CWF19L2: variants seen among roughly 807,000 people sequenced by gnomAD.
CWF19L2 encodes the protein CWF19-like protein 2.
Under a neutral mutation model 111.7 loss-of-function variants are expected in CWF19L2, and 98 were observed. The observed-to-expected ratio is 0.88, with a 90% CI of 0.75 to 1.04. The LOEUF is 1.04. CWF19L2 is among the 50% of genes least tolerant of loss of function. The pLI is 0.00. For missense variants in CWF19L2, 1,101 were observed against 1,051.4 expected, an observed-to-expected ratio of 1.05 and a Z score of -0.65; for synonymous variants, 351 against 342.9, an observed-to-expected ratio of 1.02 and a Z score of -0.26.
intron 8 of CWF19L2, among the ~76,000 whole-genome samples, chr11:107,423,690 A>G (rs1861333979): frequency 6.6e-6 from 1 of 151,996 alleles, no homozygotes; most frequent in African/African-American, 2.4e-5. Context: ...TTATTCCAAT[A>G]GATGCTTACT....
rs779343107 is a variant in CWF19L2 at position 107,429,123 on chromosome 11, C to A, written c.1109G>T (p.Arg370Ile). The A allele has an allele frequency of 1.9e-6, 3 of 1,613,672 alleles. No homozygotes were observed. Among genetic ancestry groups the A allele is most frequent in the Non-Finnish European group, 2.5e-6 (3 of 1,179,812 alleles). The change falls in exon 8 of 18, where the codon AGA (arginine) becomes ATA (isoleucine). Residue 370 changes from arginine to isoleucine, a missense_variant. Transcript: ENST00000282251. ...TGACAGTTCTTCATCATCAGAGGGT[C>A]TCAAGAATTTAGCTCTCAAATTGCC... ...SFGNLRAKFL[R>I]PSDDEELSFH...
chr11:107,334,996 C>T, intron 15 of CWF19L2, 35 bp from the exon 16 acceptor site: 1 of 1,314,190 alleles, frequency 7.6e-7, no homozygotes. Context: ...GAAAAAAGAA[C>T]ATGTAAGTAA....
At chr11:107,456,449 A>AAT (rs1162583815) in intron 1 of CWF19L2, among the ~76,000 whole-genome samples, 2 of 152,054 alleles carry the variant, frequency 1.3e-5, no homozygotes, top group Non-Finnish European at 2.9e-5. Flanking sequence ...AAGAATGAAT[A>AAT]ATATATATAT....
intron 11 of CWF19L2, among the ~76,000 whole-genome samples, chr11:107,390,796 C>A (rs567833213): frequency 9.0e-4 from 137 of 152,186 alleles, no homozygotes; most frequent in African/African-American, 3.2e-3. Flanking sequence ...CTGAAGGATG[C>A]AAAGTATTCT....
At position 107,422,658 on chromosome 11, in the gene CWF19L2, A is replaced by T. The variant is rs1320520230; in HGVS notation, c.1434-4371T>A. 3.9e-5 allele frequency among the ~76,000 whole-genome samples: 6 copies of T among 152,196 alleles called. No individual in the cohort carries two copies. The East Asian group carries it at 9.6e-4, about 24-fold the overall frequency. Reference sequence around the variant, plus strand: ...ACTAATTTGTCATAATCTTAAATATAAAGGATATATCTGGTATTATTAGTT... The same window carrying T: ...ACTAATTTGTCATAATCTTAAATATTAAGGATATATCTGGTATTATTAGTT... On this transcript the variant is annotated intron_variant, in intron 8 of 17. Transcript: ENST00000282251.
At position 107,372,058 on chromosome 11, in the gene CWF19L2, T is replaced by C. The variant is rs537189954; in HGVS notation, c.1872+18016A>G. Among the ~76,000 whole-genome samples the C allele has an allele frequency of 1.5e-5, 2 of 135,958 alleles. 1 individual carries two copies. Among genetic ancestry groups the C allele is most frequent in the South Asian group, 5.1e-4 (2 of 3,926 alleles). The allele number at this position is 135,958 out of a possible 152,430, so 89.2% of individuals were successfully genotyped here. ...TGAAAAGGGGGTTTCTGGAATTCCA[T>C]GCACTTGACTTCAAGTCCCAAATAT... On this transcript the variant is annotated intron_variant, in intron 12 of 17. Coordinates refer to ENST00000282251, the MANE Select transcript of CWF19L2 (RefSeq NM_152434.3).
intron 6 of CWF19L2, among the ~76,000 whole-genome samples, chr11:107,437,713 TA>T (rs1429805692): frequency 7.9e-5 from 12 of 152,182 alleles, no homozygotes; most frequent in Non-Finnish European, 1.8e-4. Flanking sequence ...TGCTAAAAGA[TA>T]CCACCTAAAG....
rs183619631 is a variant in CWF19L2, at chr11:107,370,467, A to T, written c.1873-16731T>A. On this transcript the variant is annotated intron_variant, in intron 12 of 17. Transcript: ENST00000282251. Reference sequence around the variant, plus strand: ...TTCTTTGTTCCTCACAAAAGATTTGAGAATTAAAACTAACATATTAGAGAG... The same window carrying T: ...TTCTTTGTTCCTCACAAAAGATTTGTGAATTAAAACTAACATATTAGAGAG... Among the ~76,000 whole-genome samples the T allele has an allele frequency of 1.5e-4, 21 of 136,026 alleles. 6 individuals carry two copies. Among genetic ancestry groups the T allele is most frequent in the African/African-American group, 6.2e-4 (21 of 33,974 alleles). 89.2% of individuals were successfully genotyped at this position (136,026 alleles called of 152,430 possible). A position where few individuals can be genotyped will look rare whatever the true frequency, so the allele number is the denominator to read the frequency against.
intron 8 of CWF19L2, among the ~76,000 whole-genome samples, chr11:107,425,240 ATAAGTAAC>A (rs1040828597): frequency 6.6e-6 from 1 of 151,412 alleles, no homozygotes; most frequent in Non-Finnish European, 1.5e-5. Context: ...CCTTTGAGAA[ATAAGTAAC>A]TAAAAGAGCT....
rs150637448 is a variant in CWF19L2 at position 107,401,520 on chromosome 11, A to C, written c.1618-8625T>G. The stretch of plus-strand genomic sequence containing the variant: ...AAATAAAATACTTAGGAATATACCT[A>C]ACAAAAGAGTCAAAAGGCCTCTACA... On this transcript the variant is annotated intron_variant, in intron 10 of 17. Coordinates refer to ENST00000282251, the MANE Select transcript of CWF19L2 (RefSeq NM_152434.3). Among the ~76,000 whole-genome samples the C allele has an allele frequency of 1.6e-3, 245 of 152,274 alleles. 1 individual carries two copies. Among genetic ancestry groups the C allele is most frequent in the African/African-American group, 5.1e-3 (213 of 41,580 alleles).
intron 3 of CWF19L2, among the ~76,000 whole-genome samples, chr11:107,443,461 CCA>C (rs1226504517): frequency 1.3e-5 from 2 of 151,822 alleles, no homozygotes; most frequent in East Asian, 1.9e-4. Flanking sequence ...CCAACCTGGG[CCA>C]CAGAGACTCC....
At chr11:107,450,519 G>A (rs918802952) in intron 3 of CWF19L2, among the ~76,000 whole-genome samples, 3 of 151,748 alleles carry the variant, frequency 2.0e-5, no homozygotes, top group Non-Finnish European at 4.4e-5. Context: ...TCTAGCCTGG[G>A]CAACAAAGCA....
rs1173353820 is a variant in CWF19L2 at position 107,368,811 on chromosome 11, T to C, written c.1873-15075A>G. 7.9e-5 allele frequency among the ~76,000 whole-genome samples: 11 copies of C among 138,508 alleles called. 2 individuals carry two copies. The highest frequency in any genetic ancestry group is 3.2e-4 in the African/African-American group (11 of 34,886). The allele number at this position is 138,508 out of a possible 152,430, so 90.9% of individuals were successfully genotyped here. Reference sequence around the variant, plus strand: ...TTTTAAAATATAATAAATGAAACTTTATTCTTTTCCTGATAATACACAATA... The same window carrying C: ...TTTTAAAATATAATAAATGAAACTTCATTCTTTTCCTGATAATACACAATA... On this transcript the variant is annotated intron_variant, in intron 12 of 17. Coordinates refer to ENST00000282251, the MANE Select transcript of CWF19L2 (RefSeq NM_152434.3).
At chr11:107,362,968 A>T (rs1469747335) in intron 12 of CWF19L2, among the ~76,000 whole-genome samples, 1 of 152,004 alleles carries the variant, frequency 6.6e-6, no homozygotes, top group Non-Finnish European at 1.5e-5. Context: ...CAATACAGAG[A>T]AGTGCTTAAA....
At chr11:107,351,590 T>C (rs930705695) in intron 13 of CWF19L2, among the ~76,000 whole-genome samples, 3 of 152,236 alleles carry the variant, frequency 2.0e-5, no homozygotes, top group Middle Eastern at 3.2e-3. Context: ...ATCTCTGTTA[T>C]AGCATTTTAA....
chr11:107,382,319 T>G (rs1355545393), intron 12 of CWF19L2, among the ~76,000 whole-genome samples: 1 of 152,228 alleles, frequency 6.6e-6, no homozygotes, highest in Non-Finnish European at 1.5e-5. Flanking sequence ...TGAATGACAG[T>G]ACTGTTTAAT....
chr11:107,333,864 A>G (rs1859884334), intron 16 of CWF19L2, among the ~76,000 whole-genome samples: 1 of 152,210 alleles, frequency 6.6e-6, no homozygotes, highest in African/African-American at 2.4e-5. Context: ...TAGAATAGGG[A>G]CTGGCAAACT....
chr11:107,335,439 T>C (rs533186143), intron 15 of CWF19L2, among the ~76,000 whole-genome samples: 1 of 152,266 alleles, frequency 6.6e-6, no homozygotes, highest in East Asian at 1.9e-4. Context: ...AAATGTGCTC[T>C]AGAAAATAAA....
intron 12 of CWF19L2, among the ~76,000 whole-genome samples, chr11:107,371,556 T>C (rs1178622081): frequency 8.3e-6 from 1 of 120,616 alleles, no homozygotes; most frequent in Non-Finnish European, 1.7e-5. Context: ...AGCAAGCTAA[T>C]AACATGCTCA....
Sources: allele counts gnomAD v4.1 joint callset (sites outside exome capture counted in the v4.1 genomes callset), GRCh38; gene constraint gnomAD v4.1.1; transcripts MANE v1.5; gene names NCBI Gene and HGNC (gene_info 2026-07-23, HGNC 2026-07-21).